AGTR1: variants seen among roughly 807,000 people sequenced by gnomAD.
AGTR1 encodes type-1 angiotensin II receptor.
AGTR1 carries 16 observed loss-of-function variants against 19.4 expected under a neutral mutation model. The ratio of observed to expected loss-of-function variants is 0.82; its 90% CI spans 0.56 to 1.25. AGTR1 has a LOEUF of 1.25. AGTR1 is among the 50% of genes most tolerant of loss of function. The probability of loss-of-function intolerance (pLI) is 0.00; values close to 1 mark genes in which losing one functional copy is unlikely to be tolerated. For synonymous variants in AGTR1, 153 were observed against 154.9 expected, an observed-to-expected ratio of 0.99 and a Z score of 0.09; for missense variants, 373 against 431.9, an observed-to-expected ratio of 0.86 and a Z score of 1.21.
At chr3:148,704,486 C>T (rs1712556495) in intron 1 of AGTR1, among the ~76,000 whole-genome samples, 1 of 152,102 alleles carries the variant, frequency 6.6e-6, no homozygotes, top group Admixed American at 6.5e-5. Context: ...TTGGATTGGA[C>T]AAGTTATTTT....
chr3:148,700,861 T>C (rs1009200692), intron 1 of AGTR1, among the ~76,000 whole-genome samples: 1 of 152,220 alleles, frequency 6.6e-6, no homozygotes, highest in Non-Finnish European at 1.5e-5. Context: ...CTAATGTTTC[T>C]TTTTCAAAAT....
At chr3:148,715,468 T>C (rs1713248540) in intron 2 of AGTR1, among the ~76,000 whole-genome samples, 2 of 152,180 alleles carry the variant, frequency 1.3e-5, no homozygotes, top group African/African-American at 2.4e-5. Context: ...TGTGATGTCA[T>C]GTCTCCCCCA....
At position 148,741,347 on chromosome 3, in the gene AGTR1, T is replaced by C; in HGVS notation, c.312T>C (p.Ala104=). The C allele has an allele frequency of 1.2e-6, 2 of 1,606,868 alleles. No individual in the cohort carries two copies. Among genetic ancestry groups the C allele is most frequent in the Non-Finnish European group, 1.7e-6 (2 of 1,179,512 alleles). The change falls in exon 3 of 3, where the codon GCT becomes GCC. Residue 104 remains alanine, a synonymous_variant. Coordinates refer to ENST00000349243, the MANE Select transcript of AGTR1 (RefSeq NM_000685.5). ...TTGGCAATTACCTATGTAAGATTGC[T>C]TCAGCCAGCGTCAGTTTCAACCTGT... ...WPFGNYLCKI[A]SASVSFNLYA...
chr3:148,706,135 T>A (rs1712655707), intron 1 of AGTR1, among the ~76,000 whole-genome samples: 2 of 152,016 alleles, frequency 1.3e-5, no homozygotes, highest in African/African-American at 4.8e-5. Flanking sequence ...TTATTTATAA[T>A]TCACTCTAGA....
chr3:148,714,098 G>T (rs960660296), intron 2 of AGTR1, among the ~76,000 whole-genome samples: 5 of 152,026 alleles, frequency 3.3e-5, no homozygotes, highest in African/African-American at 1.2e-4. Context: ...TCCTACTTAG[G>T]GCTACAGTTT....
chr3:148,742,552 G>A lies in AGTR1; in HGVS notation c.*437G>A, dbSNP rs5189. On this transcript the variant is annotated 3_prime_UTR_variant, in exon 3 of 3. Transcript: ENST00000349243. ...CAAAGGGCAGTAAAGTTTTCGTGCC[G>A]GTTTTCAGCTATTAGCAACTGTGCT... The A allele has an allele frequency of 7.3e-5, 23 of 317,048 alleles. No homozygotes were observed. The highest frequency in any genetic ancestry group is 2.9e-4 in the Admixed American group (6 of 20,668). 19.6% of individuals were successfully genotyped at this position (317,048 alleles called of 1,614,324 possible).
In AGTR1 at chr3:148,726,370, G is replaced by C. The variant is rs1576533925; in HGVS notation, c.-47-14619G>C. 2.0e-5 allele frequency among the ~76,000 whole-genome samples: 3 copies of C among 152,108 alleles called. No homozygotes were observed. The East Asian group carries it at 5.8e-4, about 29-fold the overall frequency. ...ATTACAGGTGCATGCCACCATGCCT[G>C]GCTAATTTTTGTATTTTTAGTAGAG... On this transcript the variant is annotated intron_variant, in intron 2 of 2. Transcript: ENST00000349243.
At chr3:148,726,903 C>T (rs1201136473) in intron 2 of AGTR1, among the ~76,000 whole-genome samples, 1 of 152,156 alleles carries the variant, frequency 6.6e-6, no homozygotes, top group African/African-American at 2.4e-5. Flanking sequence ...GAATAGAGTT[C>T]TTAATGGGAA....
At chr3:148,734,456 T>C (rs1435900526) in intron 2 of AGTR1, among the ~76,000 whole-genome samples, 1 of 152,158 alleles carries the variant, frequency 6.6e-6, no homozygotes, top group African/African-American at 2.4e-5. Flanking sequence ...TGAGGTCAGA[T>C]GACAGTGGAT....
chr3:148,714,134 C>T (rs1289557584), intron 2 of AGTR1, among the ~76,000 whole-genome samples: 1 of 152,138 alleles, frequency 6.6e-6, no homozygotes, highest in Non-Finnish European at 1.5e-5. Flanking sequence ...GTGTTTCAGT[C>T]AATAAGTGTT....
chr3:148,700,738 G>A (rs1712288928), intron 1 of AGTR1, among the ~76,000 whole-genome samples: 1 of 152,208 alleles, frequency 6.6e-6, no homozygotes. Flanking sequence ...ATGTGACCAA[G>A]TGTCCAAGCC....
chr3:148,698,149 G>A, intron 1 of AGTR1, 22 bp downstream of exon 1: 1 of 152,288 alleles, frequency 6.6e-6, no homozygotes, highest in East Asian at 1.9e-4. Context: ...CGGACCGCCA[G>A]GCATGCTTGG....
chr3:148,727,622 A>G (rs1714031063), intron 2 of AGTR1, among the ~76,000 whole-genome samples: 1 of 152,190 alleles, frequency 6.6e-6, no homozygotes, highest in Non-Finnish European at 1.5e-5. Context: ...TGCTTACAGA[A>G]GGTAATTTCT....
chr3:148,715,999 C>G (rs3772623), intron 2 of AGTR1, among the ~76,000 whole-genome samples: 2 of 152,272 alleles, frequency 1.3e-5, no homozygotes, highest in East Asian at 3.9e-4. Flanking sequence ...CAGATCACAG[C>G]TGCATACTTA....
chr3:148,725,631 C>T (rs752993130), intron 2 of AGTR1, among the ~76,000 whole-genome samples: 8 of 152,074 alleles, frequency 5.3e-5, no homozygotes, highest in Non-Finnish European at 8.8e-5. Flanking sequence ...TACAGGCATC[C>T]GCCACCATGC....
intron 2 of AGTR1, among the ~76,000 whole-genome samples, chr3:148,713,493 C>A (rs1713118501): frequency 2.0e-5 from 3 of 152,060 alleles, no homozygotes. Flanking sequence ...TGAAATGTCG[C>A]AAATCAATTA....
At chr3:148,719,219 G>A (rs777960199) in intron 2 of AGTR1, among the ~76,000 whole-genome samples, 11 of 152,062 alleles carry the variant, frequency 7.2e-5, no homozygotes, top group African/African-American at 1.2e-4. Context: ...AGGAAATTGC[G>A]CAGAAAGTGC....
intron 2 of AGTR1, among the ~76,000 whole-genome samples, chr3:148,722,226 A>G (rs2107948913): frequency 6.6e-6 from 1 of 152,376 alleles, no homozygotes; most frequent in South Asian, 2.1e-4. Context: ...CAGTAATGAC[A>G]CAGATGATAG....
intron 2 of AGTR1, among the ~76,000 whole-genome samples, chr3:148,710,937 G>A (rs930334072): frequency 1.3e-5 from 2 of 152,076 alleles, no homozygotes; most frequent in South Asian, 2.1e-4. Context: ...CATGTGACAT[G>A]CTGGTTCCCT....
Sources: gnomAD v4.1 joint callset for allele counts (sites outside exome capture counted in the v4.1 genomes callset) on GRCh38, gnomAD v4.1.1 for gene constraint, MANE v1.5 for transcripts, NCBI Gene and HGNC (gene_info 2026-07-23, HGNC 2026-07-21) for gene names.